The following EVI5 variants were observed in gnomAD, a reference collection of about 807,000 sequenced individuals.
The protein encoded by EVI5 is ecotropic viral integration site 5.
In EVI5, 73 loss-of-function variants were observed where a neutral mutation model predicts 112.0. That is an observed-to-expected ratio of 0.65 (90% CI 0.54 to 0.79). The LOEUF (loss-of-function observed/expected upper bound fraction) is 0.79, where lower values mean the gene tolerates loss of function less well. Among genes scored for constraint, EVI5 ranks in the 30% least tolerant of loss-of-function variants. The pLI, the probability that EVI5 is intolerant of heterozygous loss-of-function variation, is 0.00. For missense variants in EVI5, 900 were observed against 968.8 expected (o/e 0.93, Z 0.94); for synonymous variants, 305 against 319.9 (o/e 0.95, Z 0.50).
intron 14 of EVI5, among the ~76,000 whole-genome samples, chr1:92,628,309 G>A (rs978369648): frequency 9.9e-5 from 15 of 152,100 alleles, no homozygotes; most frequent in African/African-American, 2.4e-4. Context: ...TCCTTTCTCC[G>A]TGCAAAAGCT....
intron 19 of EVI5, among the ~76,000 whole-genome samples, chr1:92,524,916 C>T (rs1661594999): frequency 6.6e-6 from 1 of 151,352 alleles, no homozygotes; most frequent in Non-Finnish European, 1.5e-5. Flanking sequence ...AGCTCTCTGC[C>T]TCCCAGACTC....
chr1:92,514,366 G>C (rs1420996053), intron 19 of EVI5, among the ~76,000 whole-genome samples: 1 of 152,038 alleles, frequency 6.6e-6, no homozygotes, highest in East Asian at 1.9e-4. Flanking sequence ...ATGTTGCCCA[G>C]GCTGGTCTCA....
chr1:92,645,569 A>G (rs1381092552), intron 13 of EVI5, among the ~76,000 whole-genome samples: 1 of 152,126 alleles, frequency 6.6e-6, no homozygotes, highest in African/African-American at 2.4e-5. Context: ...CCCTACCTAC[A>G]GGCTCAGATT....
intron 19 of EVI5, among the ~76,000 whole-genome samples, chr1:92,554,174 G>T (rs973604872): frequency 6.6e-6 from 1 of 152,168 alleles, no homozygotes; most frequent in Non-Finnish European, 1.5e-5. Flanking sequence ...GCTACAGAAA[G>T]AAAAATAAAG....
chr1:92,574,355 G>A (rs775564927), intron 18 of EVI5, among the ~76,000 whole-genome samples: 14 of 152,138 alleles, frequency 9.2e-5, no homozygotes, highest in Non-Finnish European at 1.8e-4. Context: ...TTATTCAGAG[G>A]TGTCTTCACC....
At chr1:92,532,459 C>T (rs1382096117) in intron 19 of EVI5, among the ~76,000 whole-genome samples, 1 of 152,188 alleles carries the variant, frequency 6.6e-6, no homozygotes, top group African/African-American at 2.4e-5. Context: ...CAGAACTCTC[C>T]ACTCCAAATC....
chr1:92,682,721 A>G (rs1299546007), intron 9 of EVI5, among the ~76,000 whole-genome samples: 1 of 152,184 alleles, frequency 6.6e-6, no homozygotes, highest in Admixed American at 6.5e-5. Flanking sequence ...ATTGTACTCC[A>G]GCCTGCAAGA....
chr1:92,557,563 T>C (rs1202563311), intron 19 of EVI5, among the ~76,000 whole-genome samples: 1 of 151,900 alleles, frequency 6.6e-6, no homozygotes, highest in Non-Finnish European at 1.5e-5. Flanking sequence ...CCTCTCAGAG[T>C]GCTGGGATAA....
At chr1:92,778,068 A>G (rs1480860671) in intron 1 of EVI5, among the ~76,000 whole-genome samples, 1 of 151,866 alleles carries the variant, frequency 6.6e-6, no homozygotes, top group East Asian at 1.9e-4. Flanking sequence ...GCCACCACGC[A>G]CAGCTAATTT....
intron 19 of EVI5, among the ~76,000 whole-genome samples, chr1:92,548,530 C>G (rs534613444): frequency 1.3e-5 from 2 of 152,178 alleles, no homozygotes; most frequent in South Asian, 4.2e-4. Flanking sequence ...AAAGGGTATT[C>G]AATTAGGAAA....
intron 2 of EVI5, among the ~76,000 whole-genome samples, chr1:92,718,483 T>C (rs1468104623): frequency 6.6e-6 from 1 of 152,200 alleles, no homozygotes; most frequent in Non-Finnish European, 1.5e-5. Context: ...AAAGATGTTC[T>C]TTGAAACCAA....
chr1:92,782,734 T>C (rs140186825), intron 1 of EVI5, among the ~76,000 whole-genome samples: 7 of 152,272 alleles, frequency 4.6e-5, no homozygotes, highest in African/African-American at 1.7e-4. Context: ...ACAATGCCAC[T>C]CCTACGTACA....
At chr1:92,651,589 C>G (rs372805970) in intron 13 of EVI5, among the ~76,000 whole-genome samples, 55 of 152,076 alleles carry the variant, frequency 3.6e-4, no homozygotes, top group Non-Finnish European at 6.6e-4. Context: ...CAGTGGCTCA[C>G]GCCTGTAATC....
chr1:92,552,989 T>A (rs373896754), intron 19 of EVI5, among the ~76,000 whole-genome samples: 13 of 150,184 alleles, frequency 8.7e-5, no homozygotes, highest in South Asian at 8.4e-4. Flanking sequence ...AAGTTAAAAT[T>A]TTTTTTTTTA....
rs369573605 is a variant in EVI5 at position 92,641,248 on chromosome 1, T to G, written c.1393-4912A>C. 7.9e-4 allele frequency among the ~76,000 whole-genome samples: 120 copies of G among 152,328 alleles called. 1 individual carries two copies. The South Asian group carries it at 0.012, about 16-fold the overall frequency. On this transcript the variant is annotated intron_variant, in intron 13 of 19. Transcript: ENST00000684568. ...TTAAAATGTTTATCTCTATATATAC[T>G]ATACAAGCAAATGCTGGAGACAGTT...
intron 18 of EVI5, among the ~76,000 whole-genome samples, chr1:92,567,137 G>C (rs1669625257): frequency 6.6e-6 from 1 of 151,790 alleles, no homozygotes; most frequent in African/African-American, 2.4e-5. Flanking sequence ...TAATAAAAAA[G>C]TTTAAAGAGT....
Position 92,612,823 on chromosome 1 carries a change from C to T in EVI5, c.1828-5096G>A, listed in dbSNP as rs143443355. ...AGCACTTTCTCACCTGAGGCAGATA[C>T]GGCCACAAGCTAAGAATGATACAGC... is the stretch of plus-strand genomic sequence containing the variant. On this transcript the variant is annotated intron_variant, in intron 16 of 19. Coordinates refer to ENST00000684568, the MANE Select transcript of EVI5 (RefSeq NM_001350197.2). Among the ~76,000 whole-genome samples the T allele has an allele frequency of 2.0e-3, 303 of 151,430 alleles. 1 individual carries two copies. Among genetic ancestry groups the T allele is most frequent in the Middle Eastern group, 3.4e-3 (1 of 290 alleles).
At chr1:92,627,324 A>C (rs1020456975) in intron 14 of EVI5, among the ~76,000 whole-genome samples, 2 of 152,238 alleles carry the variant, frequency 1.3e-5, no homozygotes, top group African/African-American at 4.8e-5. Flanking sequence ...CATCCAGGAC[A>C]CTGCAAATGC....
At chr1:92,601,174 T>TA (rs772811574) in intron 18 of EVI5, among the ~76,000 whole-genome samples, 6 of 152,182 alleles carry the variant, frequency 3.9e-5, no homozygotes, top group Admixed American at 2.6e-4. Flanking sequence ...AATATACCCC[T>TA]ACTATAATAA....
Sources: allele counts gnomAD v4.1 joint callset (sites outside exome capture counted in the v4.1 genomes callset), GRCh38; gene constraint gnomAD v4.1.1; transcripts MANE v1.5; gene names NCBI Gene and HGNC (gene_info 2026-07-23, HGNC 2026-07-21).